The following HECW2 variants were observed in gnomAD, a reference collection of about 807,000 sequenced individuals.
The protein encoded by HECW2 is E3 ubiquitin-protein ligase HECW2.
HECW2 carries 61 observed loss-of-function variants against 175.2 expected under a neutral mutation model. That is an observed-to-expected ratio of 0.35 (90% CI 0.28 to 0.43). The LOEUF is 0.43. Ranked by LOEUF, HECW2 falls within the 20% of genes least tolerant of loss-of-function variation. The pLI is 1.00. For synonymous variants in HECW2, 671 were observed against 731.0 expected (o/e 0.92, Z 1.32); for missense variants, 1,524 against 2,000.5 (o/e 0.76, Z 4.54).
At chr2:196,260,534 A>C (rs909047578) in intron 17 of HECW2, 1 of 152,220 alleles carries the variant, frequency 6.6e-6, no homozygotes, top group Non-Finnish European at 1.5e-5. Flanking sequence ...AGAAAGTTAA[A>C]AGGTAATTCT....
At chr2:196,505,277 G>A (rs557923264) in intron 1 of HECW2, among the ~76,000 whole-genome samples, 9 of 152,288 alleles carry the variant, frequency 5.9e-5, no homozygotes, top group East Asian at 3.9e-4. Flanking sequence ...AGTGGCTCAC[G>A]CTTGTAATCC....
At chr2:196,443,238 G>A (rs1270239356) in intron 1 of HECW2, among the ~76,000 whole-genome samples, 5 of 152,086 alleles carry the variant, frequency 3.3e-5, no homozygotes, top group South Asian at 2.1e-4. Context: ...TAGTGAAAAC[G>A]AAGGTTTGCT....
At chr2:196,451,432 A>C (rs1331292785) in intron 1 of HECW2, among the ~76,000 whole-genome samples, 1 of 105,128 alleles carries the variant, frequency 9.5e-6, no homozygotes, top group Admixed American at 8.9e-5. Context: ...ACTCCGTCTC[A>C]AAAAAAAAAA....
At chr2:196,586,085 T>C (rs1001862782) in intron 1 of HECW2, among the ~76,000 whole-genome samples, 12 of 152,190 alleles carry the variant, frequency 7.9e-5, no homozygotes, top group Admixed American at 2.0e-4. Flanking sequence ...CTAAGTTCTA[T>C]TACTTTGAGC....
rs1688746651 is a variant in HECW2, at chr2:196,528,598, GCAAAA to G, written c.-36+64905_-36+64909del. Among the ~76,000 whole-genome samples, 3 of 152,168 alleles carry G rather than the reference GCAAAA, an allele frequency of 2.0e-5. No homozygotes were observed. In the East Asian group the frequency reaches 5.8e-4, roughly 29 times the overall value. ...ACCAGAACAGGATGCTCCTTCAAAA[GCAAAA>G]CAAAACAAAAGAAAAAAGGAAGGCT... On this transcript the variant is annotated intron_variant, in intron 1 of 28. Coordinates refer to ENST00000644978, the MANE Select transcript of HECW2 (RefSeq NM_001348768.2).
intron 1 of HECW2, among the ~76,000 whole-genome samples, chr2:196,486,136 G>A (rs923142250): frequency 5.3e-5 from 8 of 152,146 alleles, no homozygotes; most frequent in Non-Finnish European, 8.8e-5. Flanking sequence ...CTGGCTACGT[G>A]GAACATGTCT....
intron 1 of HECW2, among the ~76,000 whole-genome samples, chr2:196,541,019 T>A (rs1689193743): frequency 1.3e-5 from 2 of 152,196 alleles, no homozygotes; most frequent in African/African-American, 2.4e-5. Flanking sequence ...AGTATCTTTA[T>A]ACTACAGATT....
chr2:196,202,106 A>C (rs900436502), intron 28 of HECW2, among the ~76,000 whole-genome samples: 1 of 152,210 alleles, frequency 6.6e-6, no homozygotes, highest in African/African-American at 2.4e-5. Flanking sequence ...AAAAATAGAC[A>C]GTCTCCAAAT....
chr2:196,582,023 G>A (rs893061959), intron 1 of HECW2, among the ~76,000 whole-genome samples: 1 of 151,010 alleles, frequency 6.6e-6, no homozygotes, highest in Non-Finnish European at 1.5e-5. Flanking sequence ...CTGAGATTGT[G>A]CCACTGCACT....
chr2:196,426,649 G>A (rs1326387274), intron 2 of HECW2, among the ~76,000 whole-genome samples: 1 of 151,982 alleles, frequency 6.6e-6, no homozygotes, highest in African/African-American at 2.4e-5. Flanking sequence ...TCAAGAAGGT[G>A]GTGAGCAAGT....
chr2:196,224,432 A>C (rs562328204), intron 23 of HECW2, among the ~76,000 whole-genome samples: 1 of 152,246 alleles, frequency 6.6e-6, no homozygotes, highest in Non-Finnish European at 1.5e-5. Flanking sequence ...ATGAGAGCAC[A>C]CTGAGTGAGA....
chr2:196,201,344 G>A lies in HECW2; in HGVS notation c.4652C>T (p.Ser1551Phe). The change falls in exon 29 of 29, where the codon TCC becomes TTC. Residue 1551 changes from serine (S) to phenylalanine (F), a missense_variant. This residue lies in a region of HECW2 where 134 missense variants were observed against 287.8 expected (regional missense o/e 0.47). Transcript: ENST00000644978. ...FNRLDLPPYP[S>F]FSMLYEKLLT... ...CAGTTTTTCATAAAGCATGGAAAAG[G>A]ATGGGTAGGGAGGCAGATCCAGACG... 1.2e-6 allele frequency: 2 copies of A among 1,613,708 alleles called. No homozygotes were observed. The highest frequency in any genetic ancestry group is 1.7e-6 in the Non-Finnish European group (2 of 1,179,650).
At chr2:196,568,732 C>T (rs1187685177) in intron 1 of HECW2, among the ~76,000 whole-genome samples, 9 of 152,138 alleles carry the variant, frequency 5.9e-5, no homozygotes, top group Non-Finnish European at 7.3e-5. Flanking sequence ...GCCACACAAT[C>T]GCAAGGGTAA....
At chr2:196,477,759 C>T (rs1312305205) in intron 1 of HECW2, among the ~76,000 whole-genome samples, 5 of 152,094 alleles carry the variant, frequency 3.3e-5, no homozygotes, top group Non-Finnish European at 7.4e-5. Flanking sequence ...GAGTTAAACA[C>T]CTCACAGAGA....
At chr2:196,592,400 T>C (rs1035244423) in intron 1 of HECW2, 3 of 152,206 alleles carry the variant, frequency 2.0e-5, no homozygotes, top group Middle Eastern at 3.2e-3. Flanking sequence ...AAATTAATAA[T>C]AATAAACGAC....
In HECW2 at chr2:196,301,725, G is replaced by T. The variant is rs202011118; in HGVS notation, c.2814+4763C>A. 2.0e-3 allele frequency among the ~76,000 whole-genome samples: 225 copies of T among 112,788 alleles called. 1 individual carries two copies. Among genetic ancestry groups the T allele is most frequent in the East Asian group, 9.7e-3 (31 of 3,202 alleles). The allele number at this position is 112,788 out of a possible 152,430, so 74.0% of individuals were successfully genotyped here. On this transcript the variant is annotated intron_variant, in intron 13 of 28. Transcript: ENST00000644978. ...CCTCTGCCCACTTTTTAATGGGATTGTTTTTTTTTTTTTTTTCTTGTAGAT... is the reference window on the plus strand; with the variant it reads ...CCTCTGCCCACTTTTTAATGGGATTTTTTTTTTTTTTTTTTTCTTGTAGAT...
At chr2:196,476,340 C>T (rs962294223) in intron 1 of HECW2, among the ~76,000 whole-genome samples, 1 of 151,524 alleles carries the variant, frequency 6.6e-6, no homozygotes, top group Admixed American at 6.6e-5. Context: ...GCTATTAGGT[C>T]GCTGAGGCAC....
At chr2:196,287,196 A>T (rs1271704913) in intron 14 of HECW2, among the ~76,000 whole-genome samples, 1 of 152,210 alleles carries the variant, frequency 6.6e-6, no homozygotes, top group Non-Finnish European at 1.5e-5. Flanking sequence ...TCCCAATCTG[A>T]CACCCAAAGT....
chr2:196,203,085 T>C (rs1686926528), intron 28 of HECW2, among the ~76,000 whole-genome samples: 1 of 152,038 alleles, frequency 6.6e-6, no homozygotes, highest in African/African-American at 2.4e-5. Context: ...ACTCAAAAAG[T>C]TTTGGATTTT....
Sources: gnomAD v4.1 joint callset for allele counts (sites outside exome capture counted in the v4.1 genomes callset) on GRCh38, gnomAD v4.1.1 for gene constraint, gnomAD v4.1.1 regional missense constraint, MANE v1.5 for transcripts, NCBI Gene and HGNC (gene_info 2026-07-23, HGNC 2026-07-21) for gene names.